Variants in CHEK2 observed in about 807,000 individuals in gnomAD.
CHEK2 encodes the protein serine/threonine-protein kinase Chk2.
CHEK2 carries 71 observed loss-of-function variants against 69.1 expected under a neutral mutation model. That is an observed-to-expected ratio of 1.03 (90% CI 0.85 to 1.25). The LOEUF (loss-of-function observed/expected upper bound fraction) is 1.25. Among genes scored for constraint, CHEK2 ranks in the 50% most tolerant of loss-of-function variants. CHEK2 has a pLI of 0.00. For synonymous variants in CHEK2, 189 were observed against 226.9 expected, an observed-to-expected ratio of 0.83 and a Z score of 1.50; for missense variants, 664 against 649.6, an observed-to-expected ratio of 1.02 and a Z score of -0.24.
intron 14 of CHEK2, among the ~76,000 whole-genome samples, chr22:28,688,343 C>G (rs2052205844): frequency 6.6e-6 from 1 of 152,226 alleles, no homozygotes; most frequent in Non-Finnish European, 1.5e-5. Flanking sequence ...GGGAAGACAA[C>G]CTTTGTGCCT....
rs529320954 is a variant in CHEK2 at position 28,687,868 on chromosome 22, A to G, written c.*29T>C. On this transcript the variant is annotated 3_prime_UTR_variant, in exon 15 of 15. Transcript: ENST00000404276. ...GAAAGATGACAGAGTGAAAGAAGGT[A>G]CATTTCTTTCGTGTTCAAACCACGG... is the stretch of plus-strand genomic sequence containing the variant. The G allele has an allele frequency of 1.9e-5, 28 of 1,497,462 alleles. No homozygotes were observed. The Admixed American group carries it at 3.5e-4, about 19-fold the overall frequency. 92.8% of individuals were successfully genotyped at this position (1,497,462 alleles called of 1,614,324 possible).
At chr22:28,731,240 AAAGG>A (rs1290383489) in intron 2 of CHEK2, among the ~76,000 whole-genome samples, 1 of 151,896 alleles carries the variant, frequency 6.6e-6, no homozygotes, top group Non-Finnish European at 1.5e-5. Flanking sequence ...AAATTTAAAA[AAAGG>A]AATTAAAACT....
At chr22:28,737,252 G>A (rs1439807422) in intron 1 of CHEK2, 1 of 471,548 alleles carries the variant, frequency 2.1e-6, no homozygotes, top group Non-Finnish European at 4.3e-6. Context: ...TAGAAGATTA[G>A]TTCTTACCAT....
In CHEK2 at chr22:28,699,868, G is replaced by A. The variant is rs1057521868; in HGVS notation, c.978C>T (p.Leu326=). The A allele has an allele frequency of 1.2e-6, 2 of 1,614,014 alleles. No individual in the cohort carries two copies. Among genetic ancestry groups the A allele is most frequent in the Non-Finnish European group, 1.7e-6 (2 of 1,179,914 alleles). Residue 326 remains leucine (L), a synonymous_variant, in exon 9 of 15, where the codon CTC becomes CTT. Transcript: ENST00000404276. ...NKRLKEATCK[L]YFYQMLLAVQ... ...CAGCCAAGAGCATCTGGTAAAAATA[G>A]AGCTTGCAGGTAGCTTCTTTCAGGC...
rs1157444080 is a variant in CHEK2, at chr22:28,689,380, T to A, written c.1462-165A>T. 4.3e-6 allele frequency: 3 copies of A among 692,964 alleles called. No homozygotes were observed. In the African/African-American group the frequency reaches 5.2e-5, roughly 12 times the overall value. The allele number at this position is 692,964 out of a possible 1,614,324, so 42.9% of individuals were successfully genotyped here. A position where few individuals can be genotyped will look rare whatever the true frequency, so the allele number is the denominator to read the frequency against. On this transcript the variant is annotated intron_variant, in intron 13 of 14. Coordinates refer to ENST00000404276, the MANE Select transcript of CHEK2 (RefSeq NM_007194.4). The stretch of plus-strand genomic sequence containing the variant: ...GAAGGCATTATGTGTTGCCCGCCTC[T>A]ACCTTCCCAGAGGAGTCTAATTAGC...
At chr22:28,724,662 G>A (rs1329033652) in intron 4 of CHEK2, 1 of 377,322 alleles carries the variant, frequency 2.7e-6, no homozygotes, top group Non-Finnish European at 5.2e-6. Context: ...TGCCTCCCGG[G>A]TTCAAGCGAT....
In CHEK2 at chr22:28,698,095, T is replaced by TA. The variant is rs1569117899; in HGVS notation, c.1009-1109_1009-1108insT. Among the ~76,000 whole-genome samples the TA allele has an allele frequency of 9.4e-4, 142 of 151,724 alleles. 1 individual carries two copies. Among genetic ancestry groups the TA allele is most frequent in the African/African-American group, 2.3e-3 (97 of 41,468 alleles). On this transcript the variant is annotated intron_variant, in intron 9 of 14. Transcript: ENST00000404276. ...TTAAAATTAAAATTAAATTTTTTTT[T>TA]TAAAAAGGCTTGTGGGCGGGCACGG...
chr22:28,728,857 G>A (rs2054096616), intron 2 of CHEK2, among the ~76,000 whole-genome samples: 5 of 151,956 alleles, frequency 3.3e-5, no homozygotes, highest in African/African-American at 9.7e-5. Context: ...GGTGGCACAT[G>A]CCTGAGGTCC....
chr22:28,695,977 T>G, intron 10 of CHEK2, 104 bp from the exon 11 acceptor site: 2 of 873,518 alleles, frequency 2.3e-6, no homozygotes, highest in South Asian at 1.4e-5. Context: ...TCAGTTTCTA[T>G]TGTACAATTC....
rs755934632 is a variant in CHEK2, at chr22:28,725,097, C to T, written c.472G>A (p.Ala158Thr). The T allele has an allele frequency of 1.9e-6, 3 of 1,614,056 alleles. No homozygotes were observed. The highest frequency in any genetic ancestry group is 1.1e-5 in the South Asian group (1 of 91,078). Residue 158 changes from alanine (A) to threonine (T), a missense_variant, in exon 4 of 15, where the codon GCA becomes ACA. By Grantham distance (58) the Ala-to-Thr change is moderately conservative. Transcript: ENST00000404276. ...TTGCCACTGTGATCTTCTATGTATG[C>T]AATGTAAGAGTTTTTAGGACCCACT... is the stretch of plus-strand genomic sequence containing the variant. ...REVGPKNSYI[A>T]YIEDHSGNGT...
In CHEK2 at chr22:28,696,878, C is replaced by T. The variant is rs769631429; in HGVS notation, c.1095+23G>A. 3 of 1,473,534 alleles carry T rather than the reference C, an allele frequency of 2.0e-6. 1 individual carries two copies. In the South Asian group the frequency reaches 3.4e-5, roughly 17 times the overall value. 91.3% of individuals were successfully genotyped at this position (1,473,534 alleles called of 1,614,324 possible). On this transcript the variant is annotated intron_variant, in intron 10 of 14. Coordinates refer to ENST00000404276, the MANE Select transcript of CHEK2 (RefSeq NM_007194.4). ...GAACAAGAATCTACAGGAATAGCCA[C>T]ATACAGAATGCCAATTTCTTACCTT...
chr22:28,724,416 AC>A (rs2053913388), intron 4 of CHEK2: 1 of 169,168 alleles, frequency 5.9e-6, no homozygotes, highest in African/African-American at 2.4e-5. Context: ...CTAAAAAAAA[AC>A]AAAACAAAAC....
At position 28,702,282 on chromosome 22, in the gene CHEK2, A is replaced by C. The variant is rs1266878207; in HGVS notation, c.908+1223T>G. On this transcript the variant is annotated intron_variant, in intron 8 of 14. Transcript: ENST00000404276. ...GAAACGGAGTCTCGCTCTGTCACCC[A>C]GGCTGGAATGCAGTGGCGCGATCTC... is the stretch of plus-strand genomic sequence containing the variant. Among the ~76,000 whole-genome samples, 5 of 149,240 alleles carry C rather than the reference A, an allele frequency of 3.4e-5. No homozygotes were observed. The East Asian group carries it at 9.8e-4, about 29-fold the overall frequency.
chr22:28,722,715 T>G (rs1203878381), intron 4 of CHEK2, among the ~76,000 whole-genome samples: 1 of 152,060 alleles, frequency 6.6e-6, no homozygotes, highest in Non-Finnish European at 1.5e-5. Context: ...TGACTTTATT[T>G]TGTTTGGTTA....
intron 1 of CHEK2, among the ~76,000 whole-genome samples, chr22:28,736,764 A>ACC (rs17881006): frequency 1.8e-4 from 25 of 138,296 alleles, no homozygotes; most frequent in Middle Eastern, 7.4e-3. Flanking sequence ...ACATAGTGGG[A>ACC]CCCCCCCCGC....
At chr22:28,735,158 G>A (rs2054360217) in intron 1 of CHEK2, among the ~76,000 whole-genome samples, 1 of 151,888 alleles carries the variant, frequency 6.6e-6, no homozygotes, top group Non-Finnish European at 1.5e-5. Context: ...CTGTAGTCCC[G>A]CACTTTGGGA....
chr22:28,722,302 A>T (rs2053813650), intron 4 of CHEK2, among the ~76,000 whole-genome samples: 1 of 151,998 alleles, frequency 6.6e-6, no homozygotes, highest in African/African-American at 2.4e-5. Context: ...GCACTTTGGA[A>T]GGCCGAGGCG....
At position 28,702,856 on chromosome 22, in the gene CHEK2, T is replaced by TTAAATAATCTCTAAATAATCTC. The variant is rs1258130261; in HGVS notation, c.908+648_908+649insGAGATTATTTAGAGATTATTTA. On this transcript the variant is annotated intron_variant, in intron 8 of 14. Coordinates refer to ENST00000404276, the MANE Select transcript of CHEK2 (RefSeq NM_007194.4). ...GCCACTGCACCTGGCCCTGGATACT[T>TTAAATAATCTCTAAATAATCTC]TAAATAATCTCTAAAATACTTACAA... Among the ~76,000 whole-genome samples the TTAAATAATCTCTAAATAATCTC allele has an allele frequency of 3.9e-5, 6 of 152,128 alleles. No individual in the cohort carries two copies. In the East Asian group the frequency reaches 1.2e-3, roughly 29 times the overall value.
intron 1 of CHEK2, among the ~76,000 whole-genome samples, chr22:28,739,119 A>C (rs890691013): frequency 2.0e-5 from 3 of 151,770 alleles, no homozygotes; most frequent in Non-Finnish European, 4.4e-5. Context: ...AAATACAAAA[A>C]ATTAGCTGGG....
Sources: gnomAD v4.1 joint callset for allele counts (sites outside exome capture counted in the v4.1 genomes callset) on GRCh38, gnomAD v4.1.1 for gene constraint, MANE v1.5 for transcripts, NCBI Gene and HGNC (gene_info 2026-07-23, HGNC 2026-07-21) for gene names.